The following MSI2 variants were observed in gnomAD, a reference collection of about 807,000 sequenced individuals.
The protein encoded by MSI2 is musashi RNA binding protein 2.
MSI2 carries 17 observed loss-of-function variants against 45.6 expected under a neutral mutation model. That is an observed-to-expected ratio of 0.37 (90% CI 0.26 to 0.56). The LOEUF is 0.56. MSI2 is among the 20% of genes least tolerant of loss of function. The pLI is 0.77. For missense variants in MSI2, 293 were observed against 444.2 expected (o/e 0.66, Z 3.06); for synonymous variants, 156 against 158.2 (o/e 0.99, Z 0.11).
intron 7 of MSI2, among the ~76,000 whole-genome samples, chr17:57,567,932 C>T (rs1486981306): frequency 6.6e-6 from 1 of 152,198 alleles, no homozygotes; most frequent in Non-Finnish European, 1.5e-5. Flanking sequence ...TTCCAATAAC[C>T]TTTGCAAGAG....
intron 8 of MSI2, among the ~76,000 whole-genome samples, chr17:57,606,931 G>A (rs1434566985): frequency 6.6e-6 from 1 of 152,032 alleles, no homozygotes; most frequent in African/African-American, 2.4e-5. Flanking sequence ...ACCCAGAGGA[G>A]GGAGCAGGGG....
chr17:57,325,938 C>G (rs1379741568), intron 5 of MSI2, among the ~76,000 whole-genome samples: 2 of 152,170 alleles, frequency 1.3e-5, no homozygotes, highest in Admixed American at 1.3e-4. Context: ...GTTGTGTTTC[C>G]TGAACATTCT....
upstream of MSI2, among the ~76,000 whole-genome samples, chr17:57,256,309 AC>A (rs1355291945): frequency 6.7e-6 from 1 of 149,552 alleles, no homozygotes; most frequent in South Asian, 2.1e-4. Context: ...TTCGCGCGCC[AC>A]CCTTGTGGGT....
At chr17:57,410,693 T>C (rs2084180218) in intron 6 of MSI2, among the ~76,000 whole-genome samples, 1 of 152,186 alleles carries the variant, frequency 6.6e-6, no homozygotes, top group Non-Finnish European at 1.5e-5. Context: ...AGTAGATTAG[T>C]TGTAAATTAG....
intron 10 of MSI2, among the ~76,000 whole-genome samples, chr17:57,635,036 A>T (rs1450185615): frequency 3.3e-5 from 5 of 152,222 alleles, no homozygotes; most frequent in Admixed American, 6.5e-5. Context: ...GTGCTCAGAT[A>T]AAAATAAAGG....
intron 5 of MSI2, among the ~76,000 whole-genome samples, chr17:57,361,675 G>T (rs1916825821): frequency 6.6e-6 from 1 of 152,028 alleles, no homozygotes; most frequent in African/African-American, 2.4e-5. Context: ...AGTGGAAGTG[G>T]ATCATCATAA....
chr17:57,411,486 C>T (rs2084195380), intron 6 of MSI2, among the ~76,000 whole-genome samples: 1 of 152,120 alleles, frequency 6.6e-6, no homozygotes, highest in African/African-American at 2.4e-5. Context: ...GTAATTGTCC[C>T]AACAGCCCTG....
chr17:57,650,516 G>A (rs973207138), intron 10 of MSI2, among the ~76,000 whole-genome samples: 14 of 152,098 alleles, frequency 9.2e-5, no homozygotes, highest in East Asian at 3.9e-4. Flanking sequence ...TCTCCCTCTC[G>A]GTTCATTGCT....
At chr17:57,350,810 A>G (rs1384341418) in intron 5 of MSI2, among the ~76,000 whole-genome samples, 1 of 151,974 alleles carries the variant, frequency 6.6e-6, no homozygotes, top group East Asian at 1.9e-4. Flanking sequence ...TTGTTCACCC[A>G]CTGTCATCGT....
chr17:57,565,806 C>G (rs2087717046), intron 7 of MSI2: 1 of 152,220 alleles, frequency 6.6e-6, no homozygotes, highest in African/African-American at 2.4e-5. Context: ...GCATTTCAGG[C>G]AGATGCCCCC....
At chr17:57,581,790 G>A (rs931542848) in intron 7 of MSI2, among the ~76,000 whole-genome samples, 5 of 152,194 alleles carry the variant, frequency 3.3e-5, no homozygotes, top group Non-Finnish European at 5.9e-5. Flanking sequence ...CCTACTTTCT[G>A]TTAATTAACA....
At chr17:57,619,914 G>A (rs1308843997) in intron 9 of MSI2, among the ~76,000 whole-genome samples, 1 of 152,208 alleles carries the variant, frequency 6.6e-6, no homozygotes, top group African/African-American at 2.4e-5. Context: ...AGAGCCTATT[G>A]TTCTTGAGTT....
chr17:57,302,581 G>T (rs1332319898), intron 5 of MSI2, among the ~76,000 whole-genome samples: 11 of 152,202 alleles, frequency 7.2e-5, no homozygotes, highest in Admixed American at 7.2e-4. Flanking sequence ...ACAAATGGCT[G>T]CTTTGGTAGG....
At chr17:57,639,657 C>G (rs1910101109) in intron 10 of MSI2, among the ~76,000 whole-genome samples, 1 of 152,252 alleles carries the variant, frequency 6.6e-6, no homozygotes, top group African/African-American at 2.4e-5. Context: ...CACTGAGGTC[C>G]TGCTGCCCCA....
chr17:57,631,860 G>A (rs7212899), intron 10 of MSI2: 2 of 1,611,180 alleles, frequency 1.2e-6, no homozygotes, highest in African/African-American at 1.3e-5. Flanking sequence ...CAAAGTGGGG[G>A]TTGCTACCAT....
At chr17:57,354,780 G>A (rs1007093407) in intron 5 of MSI2, among the ~76,000 whole-genome samples, 3 of 152,122 alleles carry the variant, frequency 2.0e-5, no homozygotes, top group Non-Finnish European at 2.9e-5. Context: ...AGGAGCATGC[G>A]ATGGGATGTT....
chr17:57,366,660 G>A (rs72830863), intron 5 of MSI2, among the ~76,000 whole-genome samples: 2,068 of 152,358 alleles, frequency 0.014, 29 homozygotes, highest in Non-Finnish European at 0.018. Context: ...GAGGAGCGAA[G>A]AGGTGGGGAC....
chr17:57,532,646 C>G (rs1186165377), intron 7 of MSI2, among the ~76,000 whole-genome samples: 1 of 152,222 alleles, frequency 6.6e-6, no homozygotes, highest in Admixed American at 6.5e-5. Context: ...GTGATAAGCA[C>G]AAGGAAGTAA....
intron 5 of MSI2, among the ~76,000 whole-genome samples, chr17:57,308,517 G>A (rs777011784): frequency 4.6e-5 from 7 of 152,198 alleles, no homozygotes; most frequent in Non-Finnish European, 8.8e-5. Context: ...GTTTTATTGT[G>A]TGCCGACTTA....
Sources: allele counts gnomAD v4.1 joint callset (sites outside exome capture counted in the v4.1 genomes callset), GRCh38; gene constraint gnomAD v4.1.1; transcripts MANE v1.5; gene names NCBI Gene and HGNC (gene_info 2026-07-23, HGNC 2026-07-21).